Variants in NBEA observed in about 807,000 individuals in gnomAD.
NBEA encodes the protein neurobeachin, also known as lysosomal-trafficking regulator 2.
Under a neutral mutation model 343.4 loss-of-function variants are expected in NBEA, and 44 were observed. That is an observed-to-expected ratio of 0.13 (90% CI 0.10 to 0.16). NBEA has a LOEUF of 0.16. Among genes scored for constraint, NBEA ranks in the 10% least tolerant of loss-of-function variants. The pLI, the probability that NBEA is intolerant of heterozygous loss-of-function variation, is 1.00. For missense variants in NBEA, 2,555 were observed against 3,631.3 expected, an observed-to-expected ratio of 0.70 and a Z score of 7.62; for synonymous variants, 1,175 against 1,238.7, an observed-to-expected ratio of 0.95 and a Z score of 1.08.
At chr13:35,517,602 C>A (rs1179185584) in intron 41 of NBEA, among the ~76,000 whole-genome samples, 1 of 152,164 alleles carries the variant, frequency 6.6e-6, no homozygotes, top group African/African-American at 2.4e-5. Flanking sequence ...GAGTTTATCT[C>A]CCATCTCCAT....
In NBEA at chr13:35,459,005, GCCCCC is replaced by G. The variant is rs559844063; in HGVS notation, c.6448+6779_6448+6783del. On this transcript the variant is annotated intron_variant, in intron 40 of 58. Coordinates refer to ENST00000379939, the MANE Select transcript of NBEA (RefSeq NM_001385012.1). ...GGTAAGTTTATATTTCTTTACCACC[GCCCCC>G]CCCCCCCCACACACACACACACACA... 2.6e-3 allele frequency among the ~76,000 whole-genome samples: 259 copies of G among 100,540 alleles called. 14 individuals carry two copies. The highest frequency in any genetic ancestry group is 0.012 in the African/African-American group (255 of 21,504). The allele number at this position is 100,540 out of a possible 152,430, so 66.0% of individuals were successfully genotyped here.
chr13:35,175,745 T>C (rs2070848264), intron 27 of NBEA, among the ~76,000 whole-genome samples: 1 of 152,124 alleles, frequency 6.6e-6, no homozygotes, highest in Admixed American at 6.6e-5. Context: ...TCCTGTGTTA[T>C]GTGTTTCTTA....
chr13:35,324,191 G>A (rs765725135), intron 36 of NBEA, among the ~76,000 whole-genome samples: 1 of 152,320 alleles, frequency 6.6e-6, no homozygotes, highest in South Asian at 2.1e-4. Context: ...TACACCAAAG[G>A]TGAGAAGTGA....
intron 44 of NBEA, among the ~76,000 whole-genome samples, chr13:35,558,520 A>G (rs1225122727): frequency 1.3e-5 from 2 of 152,210 alleles, no homozygotes; most frequent in African/African-American, 4.8e-5. Flanking sequence ...TATGGCAAAA[A>G]GAGAGTAAAT....
chr13:35,254,685 A>C, intron 34 of NBEA, among the ~76,000 whole-genome samples: 1 of 152,052 alleles, frequency 6.6e-6, no homozygotes. Context: ...CTATTTTAAA[A>C]ATTTTTTTTC....
At position 35,159,766 on chromosome 13, in the gene NBEA, A is replaced by G. The variant is rs1376416790; in HGVS notation, c.3595A>G (p.Thr1199Ala). ...GACCGGTAGCGTAGACTTAACTTGT[A>G]CATCCAGTATAATAGAAGAAAAAGA... ...HMTGSVDLTC[T>A]SSIIEEKEFK... is the part of the protein sequence containing the mutation. The change falls in exon 22 of 59, where the codon ACA becomes GCA. Residue 1199 changes from threonine (T) to alanine (A), a missense_variant. This residue lies in a region of NBEA where 367 missense variants were observed against 377.5 expected (regional missense o/e 0.97). Transcript: ENST00000379939. 5 of 1,613,040 alleles carry G rather than the reference A, an allele frequency of 3.1e-6. No individual in the cohort carries two copies. Among genetic ancestry groups the G allele is most frequent in the Non-Finnish European group, 3.4e-6 (4 of 1,179,562 alleles).
intron 38 of NBEA, among the ~76,000 whole-genome samples, chr13:35,361,599 A>G (rs572746867): frequency 2.0e-5 from 3 of 152,182 alleles, no homozygotes; most frequent in Admixed American, 2.0e-4. Flanking sequence ...AGGAGAAAAC[A>G]TAGGAGAAAA....
At chr13:35,447,714 A>G (rs1213798544) in intron 39 of NBEA, among the ~76,000 whole-genome samples, 1 of 152,110 alleles carries the variant, frequency 6.6e-6, no homozygotes, top group African/African-American at 2.4e-5. Flanking sequence ...CATAATATAC[A>G]TTTTCAGATC....
intron 10 of NBEA, among the ~76,000 whole-genome samples, chr13:35,089,530 T>A (rs1173145502): frequency 1.0e-5 from 1 of 97,740 alleles, no homozygotes; most frequent in Non-Finnish European, 2.0e-5. Context: ...GAACTAGAAA[T>A]ACCATTTGAC....
intron 36 of NBEA, among the ~76,000 whole-genome samples, chr13:35,337,931 A>C (rs1326962897): frequency 6.6e-6 from 1 of 152,062 alleles, no homozygotes; most frequent in East Asian, 1.9e-4. Context: ...AGAAATGAAA[A>C]AAAATCAAAA....
chr13:35,109,178 A>G, intron 11 of NBEA, 112 bp from the exon 12 acceptor site: 2 of 899,806 alleles, frequency 2.2e-6, no homozygotes, highest in South Asian at 3.0e-5. Flanking sequence ...TGTTTATTTC[A>G]TATTTATTAG....
chr13:34,974,121 C>T (rs997713920), intron 1 of NBEA, among the ~76,000 whole-genome samples: 2 of 152,176 alleles, frequency 1.3e-5, no homozygotes, highest in Non-Finnish European at 2.9e-5. Flanking sequence ...GGAGGTTCCT[C>T]CGGCTTTGTG....
intron 41 of NBEA, among the ~76,000 whole-genome samples, chr13:35,523,531 A>G (rs2077820394): frequency 6.6e-6 from 1 of 152,206 alleles, no homozygotes; most frequent in Non-Finnish European, 1.5e-5. Flanking sequence ...TTTGAGAGAC[A>G]GCAGCTTAAA....
chr13:35,251,455 C>G, intron 34 of NBEA: 1 of 1,060,496 alleles, frequency 9.4e-7, no homozygotes, highest in Non-Finnish European at 1.1e-6. Context: ...GAACTTATCA[C>G]TCAGAGAGAG....
intron 1 of NBEA, among the ~76,000 whole-genome samples, chr13:34,990,124 G>A (rs1046167163): frequency 4.6e-5 from 7 of 151,074 alleles, no homozygotes; most frequent in African/African-American, 1.7e-4. Context: ...TTGAATGCCT[G>A]TGGCTTTTCT....
At chr13:35,200,843 A>G (rs1334231148) in intron 31 of NBEA, among the ~76,000 whole-genome samples, 1 of 151,978 alleles carries the variant, frequency 6.6e-6, no homozygotes, top group Non-Finnish European at 1.5e-5. Flanking sequence ...TAGTTTCATT[A>G]GTATTCTAAT....
Position 34,942,727 on chromosome 13 carries a change from G to C in NBEA, c.-94G>C. ...CGGCGCTGGTGGATGCTGGGGCTCC[G>C]AGGCGACGGCCGGGGGGCGGGGGCC... is the stretch of plus-strand genomic sequence containing the variant. On this transcript the variant is annotated 5_prime_UTR_variant, in exon 1 of 59. Transcript: ENST00000379939. 4.7e-6 allele frequency: 5 copies of C among 1,073,190 alleles called. No homozygotes were observed. The highest frequency in any genetic ancestry group is 4.8e-6 in the Non-Finnish European group (4 of 840,972). 66.5% of individuals were successfully genotyped at this position (1,073,190 alleles called of 1,614,324 possible).
At chr13:35,153,982 C>T (rs1402862504) in intron 18 of NBEA, among the ~76,000 whole-genome samples, 2 of 152,048 alleles carry the variant, frequency 1.3e-5, no homozygotes, top group Non-Finnish European at 2.9e-5. Flanking sequence ...AATTTTATCT[C>T]GTGTCAACTC....
At chr13:35,127,041 G>C (rs1268428580) in intron 17 of NBEA, among the ~76,000 whole-genome samples, 1 of 151,994 alleles carries the variant, frequency 6.6e-6, no homozygotes, top group Non-Finnish European at 1.5e-5. Flanking sequence ...CTAGATGTAA[G>C]ATTTTGCCAT....
Sources: allele counts gnomAD v4.1 joint callset (sites outside exome capture counted in the v4.1 genomes callset), GRCh38; gene constraint gnomAD v4.1.1; regional missense constraint gnomAD v4.1.1; transcripts MANE v1.5; gene names NCBI Gene and HGNC (gene_info 2026-07-23, HGNC 2026-07-21).